The following WDR70 variants were observed in gnomAD, a reference collection of about 807,000 sequenced individuals.
WDR70 encodes the protein WD repeat-containing protein 70.
Under a neutral mutation model 88.6 loss-of-function variants are expected in WDR70, and 53 were observed. The observed-to-expected ratio is 0.60, with a 90% CI of 0.48 to 0.75. The LOEUF (loss-of-function observed/expected upper bound fraction) is 0.75, where lower values mean the gene tolerates loss of function less well. Among genes scored for constraint, WDR70 ranks in the 30% least tolerant of loss-of-function variants. The pLI, the probability that WDR70 is intolerant of heterozygous loss-of-function variation, is 0.00. For missense variants in WDR70, 610 were observed against 823.2 expected (o/e 0.74, Z 3.17); for synonymous variants, 280 against 270.0 (o/e 1.04, Z -0.36).
chr5:37,682,601 G>A (rs1746471529), intron 10 of WDR70, among the ~76,000 whole-genome samples: 1 of 152,110 alleles, frequency 6.6e-6, no homozygotes, highest in South Asian at 2.1e-4. Flanking sequence ...TGCCTTAGCT[G>A]TGTCCCAGAG....
chr5:37,510,328 A>G (rs963522720), intron 8 of WDR70, among the ~76,000 whole-genome samples: 6 of 152,186 alleles, frequency 3.9e-5, no homozygotes, highest in African/African-American at 9.7e-5. Context: ...ACTCATATAT[A>G]TATGCATATG....
At chr5:37,477,183 T>A (rs577213705) in intron 7 of WDR70, among the ~76,000 whole-genome samples, 1 of 152,348 alleles carries the variant, frequency 6.6e-6, no homozygotes, top group South Asian at 2.1e-4. Flanking sequence ...TACTCTGTGC[T>A]TTTATTAGGG....
chr5:37,559,736 T>C (rs970213210), intron 9 of WDR70, among the ~76,000 whole-genome samples: 3 of 151,910 alleles, frequency 2.0e-5, no homozygotes, highest in Non-Finnish European at 4.4e-5. Flanking sequence ...TCCCAGCTAC[T>C]TGGGAGGCTG....
chr5:37,437,580 T>C (rs1337020304), intron 5 of WDR70, among the ~76,000 whole-genome samples: 1 of 152,164 alleles, frequency 6.6e-6, no homozygotes, highest in African/African-American at 2.4e-5. Flanking sequence ...TAGTTTTTCT[T>C]TATGAATTAT....
chr5:37,649,408 T>C (rs1229904645), intron 10 of WDR70, among the ~76,000 whole-genome samples: 1 of 150,656 alleles, frequency 6.6e-6, no homozygotes, highest in East Asian at 1.9e-4. Flanking sequence ...GGAAGTAACA[T>C]GTTCAACAAA....
intron 10 of WDR70, among the ~76,000 whole-genome samples, chr5:37,649,936 A>T (rs1745351734): frequency 7.7e-6 from 1 of 130,692 alleles, no homozygotes; most frequent in African/African-American, 2.8e-5. Context: ...GCGGGGTTTC[A>T]CTGTGTTAGC....
intron 5 of WDR70, among the ~76,000 whole-genome samples, chr5:37,422,667 A>G (rs567913382): frequency 6.6e-6 from 1 of 151,994 alleles, no homozygotes; most frequent in Non-Finnish European, 1.5e-5. Context: ...TAGTAGAGAC[A>G]GAGTTTCATC....
chr5:37,665,210 A>T (rs1026257765), intron 10 of WDR70, among the ~76,000 whole-genome samples: 3 of 152,128 alleles, frequency 2.0e-5, no homozygotes, highest in African/African-American at 7.2e-5. Flanking sequence ...TTTTCTCTTT[A>T]TACCTCTTCA....
At chr5:37,596,152 G>A (rs977270207) in intron 9 of WDR70, among the ~76,000 whole-genome samples, 4 of 152,084 alleles carry the variant, frequency 2.6e-5, no homozygotes, top group East Asian at 1.9e-4. Flanking sequence ...TTAAGATTGC[G>A]CTAACCAAAT....
chr5:37,557,485 T>A (rs184103952), intron 9 of WDR70, among the ~76,000 whole-genome samples: 501 of 152,332 alleles, frequency 3.3e-3, no homozygotes, highest in Admixed American at 5.0e-3. Flanking sequence ...TGAACTCTTA[T>A]AAGCACTTTG....
chr5:37,483,942 C>T (rs1268608335), intron 8 of WDR70, among the ~76,000 whole-genome samples: 1 of 151,486 alleles, frequency 6.6e-6, no homozygotes, highest in African/African-American at 2.4e-5. Flanking sequence ...AGAGGCGCTC[C>T]TCACATCCCA....
chr5:37,722,476 C>G, intron 14 of WDR70: 1 of 211,940 alleles, frequency 4.7e-6, no homozygotes, highest in East Asian at 1.2e-4. Flanking sequence ...GTGTAGACCA[C>G]CCAGGTTGCT....
intron 7 of WDR70, among the ~76,000 whole-genome samples, chr5:37,469,953 G>A (rs1219546635): frequency 1.3e-5 from 2 of 151,874 alleles, no homozygotes; most frequent in African/African-American, 4.8e-5. Context: ...TATTTGTAAC[G>A]AACATTCTTC....
At chr5:37,664,194 C>T (rs951989164) in intron 10 of WDR70, among the ~76,000 whole-genome samples, 7 of 152,304 alleles carry the variant, frequency 4.6e-5, no homozygotes, top group African/African-American at 1.4e-4. Flanking sequence ...ATTCATCTTT[C>T]CCACCACTGC....
chr5:37,701,259 G>C (rs1747153861), intron 12 of WDR70, 117 bp downstream of exon 12: 1 of 649,602 alleles, frequency 1.5e-6, no homozygotes, highest in African/African-American at 1.9e-5. Flanking sequence ...AGACTTGAGA[G>C]AGTGATCAAA....
intron 9 of WDR70, 131 bp downstream of exon 9, chr5:37,516,721 A>G: frequency 6.5e-6 from 1 of 155,026 alleles, no homozygotes; most frequent in Non-Finnish European, 1.1e-5. Context: ...ACATATATAT[A>G]TATATTTTTT....
chr5:37,695,168 G>C (rs1746945992), intron 10 of WDR70, among the ~76,000 whole-genome samples: 1 of 152,082 alleles, frequency 6.6e-6, no homozygotes, highest in Non-Finnish European at 1.5e-5. Flanking sequence ...AGGAGTAAGA[G>C]AAGGGGGAGG....
intron 7 of WDR70, among the ~76,000 whole-genome samples, chr5:37,453,459 A>G (rs1738737959): frequency 6.6e-6 from 1 of 152,264 alleles, no homozygotes; most frequent in African/African-American, 2.4e-5. Flanking sequence ...CTTAAGGCAC[A>G]GCTCGCTGAT....
rs561324908 is a variant in WDR70 at position 37,581,054 on chromosome 5, A to G, written c.918-24010A>G. ...AGATTCATCTCCAAACTGTCCAGTG[A>G]CTATGACAAAATTGGAGACATATTC... On this transcript the variant is annotated intron_variant, in intron 9 of 17. Coordinates refer to ENST00000265107, the MANE Select transcript of WDR70 (RefSeq NM_018034.4). 2.6e-5 allele frequency among the ~76,000 whole-genome samples: 4 copies of G among 152,368 alleles called. No individual in the cohort carries two copies. In the East Asian group the frequency reaches 7.7e-4, roughly 29 times the overall value.
Sources: allele counts gnomAD v4.1 joint callset (sites outside exome capture counted in the v4.1 genomes callset), GRCh38; gene constraint gnomAD v4.1.1; transcripts MANE v1.5; gene names NCBI Gene and HGNC (gene_info 2026-07-23, HGNC 2026-07-21).